The following AIFM2 variants were observed in gnomAD, a reference collection of about 807,000 sequenced individuals.
AIFM2 encodes the protein AIF family member 2, ferroptosis suppressor.
In AIFM2, 38 loss-of-function variants were observed where a neutral mutation model predicts 35.7. The ratio of observed to expected loss-of-function variants is 1.06; its 90% CI spans 0.82 to 1.39. AIFM2 has a LOEUF of 1.39. Ranked by LOEUF, AIFM2 falls within the 40% of genes most tolerant of loss-of-function variation. The probability of loss-of-function intolerance (pLI) is 0.00; values close to 1 mark genes in which losing one functional copy is unlikely to be tolerated. For synonymous variants in AIFM2, 185 were observed against 203.5 expected, an observed-to-expected ratio of 0.91 and a Z score of 0.77; for missense variants, 476 against 491.2, an observed-to-expected ratio of 0.97 and a Z score of 0.29.
At position 70,114,637 on chromosome 10, in the gene AIFM2, G is replaced by A. The variant is rs2072414691; in HGVS notation, c.970+283C>T. On this transcript the variant is annotated intron_variant, in intron 8 of 8. Transcript: ENST00000307864. ...TTACAGGCATGCACCACCACACCTG[G>A]CTAATTTTGTATTTTTAGTAGAGAC... 5 of 507,542 alleles carry A rather than the reference G, an allele frequency of 9.9e-6. No individual in the cohort carries two copies. The South Asian group carries it at 1.0e-4, about 11-fold the overall frequency. 31.4% of individuals were successfully genotyped at this position (507,542 alleles called of 1,614,324 possible).
intron 1 of AIFM2, among the ~76,000 whole-genome samples, chr10:70,127,291 C>T (rs1015153264): frequency 5.9e-5 from 9 of 152,216 alleles, no homozygotes; most frequent in Admixed American, 4.6e-4. Flanking sequence ...AGAGGGGCTA[C>T]GCAGCTGGCC....
intron 5 of AIFM2, among the ~76,000 whole-genome samples, chr10:70,119,479 C>T (rs548379753): frequency 5.9e-5 from 9 of 152,286 alleles, no homozygotes; most frequent in African/African-American, 1.2e-4. Flanking sequence ...AACCGTAGGA[C>T]ACCCAGCTGG....
At chr10:70,116,797 G>T (rs528559640) in intron 6 of AIFM2, 23 bp from the exon 7 acceptor site, 2 of 1,612,298 alleles carry the variant, frequency 1.2e-6, no homozygotes, top group African/African-American at 1.3e-5. Flanking sequence ...TCATGACCAG[G>T]AGGCTGGTGG....
chr10:70,129,621 C>G (rs1169225192), intron 1 of AIFM2, among the ~76,000 whole-genome samples: 3 of 152,140 alleles, frequency 2.0e-5, no homozygotes, highest in Admixed American at 2.0e-4. Flanking sequence ...CTCAACACAT[C>G]AAACCTGCTG....
intron 2 of AIFM2, 99 bp from the exon 3 acceptor site, chr10:70,123,619 G>C (rs969806471): frequency 4.4e-6 from 5 of 1,141,254 alleles, no homozygotes; most frequent in Non-Finnish European, 6.5e-6. Context: ...ACCAACAGGG[G>C]TGCCCTTGAC....
chr10:70,117,868 G>T lies in AIFM2; in HGVS notation c.560C>A (p.Ser187Tyr). ...VALADKELLP[S>Y]VRQEVKEILL... The stretch of plus-strand genomic sequence containing the variant: ...GATCTCCTTCACTTCCTGCCGGACG[G>T]AGGGCAGGAGCTCCTTGTCAGCCAG... Residue 187 changes from serine to tyrosine, a missense_variant, in exon 6 of 9, where the codon TCC (serine) becomes TAC (tyrosine). Coordinates refer to ENST00000307864, the MANE Select transcript of AIFM2 (RefSeq NM_032797.6). This position sits in a 1 kb window ranked among gnomAD's most constrained non-coding sequence, Gnocchi z 4.7. 1 of 1,605,550 alleles carries T rather than the reference G, an allele frequency of 6.2e-7. No homozygotes were observed. Among genetic ancestry groups the T allele is most frequent in the Non-Finnish European group, 8.5e-7 (1 of 1,176,936 alleles).
In AIFM2 at chr10:70,112,592, T is replaced by C. The variant is rs980648578; in HGVS notation, c.*1586A>G. ...GGCCTGGGCGACAGCCCCAACGGGA[T>C]GGCCTGAGAACCCCAGAGAGGCTGG... On this transcript the variant is annotated 3_prime_UTR_variant, in exon 9 of 9. Transcript: ENST00000307864. The C allele has an allele frequency of 2.0e-5, 3 of 150,300 alleles. No homozygotes were observed. Among genetic ancestry groups the C allele is most frequent in the African/African-American group, 7.3e-5 (3 of 41,134 alleles). 9.3% of individuals were successfully genotyped at this position (150,300 alleles called of 1,614,324 possible). A position where few individuals can be genotyped will look rare whatever the true frequency, so the allele number is the denominator to read the frequency against.
In AIFM2 at chr10:70,117,828, G is replaced by A. The variant is rs749842470; in HGVS notation, c.600C>T (p.Gly200=). The A allele has an allele frequency of 1.6e-5, 25 of 1,604,868 alleles. No homozygotes were observed. The Admixed American group carries it at 1.7e-4, about 11-fold the overall frequency. The part of the protein sequence containing the change: ...QEVKEILLRK[G]VQLLLSERVS... ...TGCACGTACTCAGCAGCAGCTGCAC[G>A]CCCTTCCGGAGGAGGATCTCCTTCA... The change falls in exon 6 of 9, where the codon GGC becomes GGT. Residue 200 remains glycine, a synonymous_variant. Transcript: ENST00000307864. The surrounding 1 kb of genome is among the most constrained non-coding windows in gnomAD (Gnocchi z 4.7).
At chr10:70,118,861 TG>T (rs2072466825) in intron 5 of AIFM2, among the ~76,000 whole-genome samples, 1 of 152,184 alleles carries the variant, frequency 6.6e-6, no homozygotes, top group South Asian at 2.1e-4. Context: ...CCTAACTCCT[TG>T]GATGTTCCCG....
rs2072451310 is a variant in AIFM2 at position 70,117,546 on chromosome 10, C to T, written c.616+266G>A. ...CCCACCATCTGCACTGCATCCAAAG[C>T]AATAACCAGGACATGGAAATCCCGT... is the stretch of plus-strand genomic sequence containing the variant. On this transcript the variant is annotated intron_variant, in intron 6 of 8. Transcript: ENST00000307864. The surrounding 1 kb of genome is among the most constrained non-coding windows in gnomAD (Gnocchi z 4.7). 6.6e-6 allele frequency among the ~76,000 whole-genome samples: 1 copy of T among 152,218 alleles called. No individual in the cohort carries two copies. The highest frequency in any genetic ancestry group is 2.4e-5 in the African/African-American group (1 of 41,458).
intron 3 of AIFM2, among the ~76,000 whole-genome samples, chr10:70,122,030 T>G (rs2072514723): frequency 6.6e-6 from 1 of 152,084 alleles, no homozygotes; most frequent in African/African-American, 2.4e-5. Context: ...AGGCAGAGGT[T>G]GTGGTGACCC....
chr10:70,118,244 A>C, intron 5 of AIFM2: 1 of 244,526 alleles, frequency 4.1e-6, no homozygotes, highest in Non-Finnish European at 7.8e-6. Flanking sequence ...TAATTATACA[A>C]GCCATGGGCA....
rs200495967 is a variant in AIFM2 at position 70,117,843 on chromosome 10, G to T, written c.585C>A (p.Ile195=). The change falls in exon 6 of 9, where the codon ATC becomes ATA. Residue 195 remains isoleucine (I), a synonymous_variant. Transcript: ENST00000307864. This position sits in a 1 kb window ranked among gnomAD's most constrained non-coding sequence, Gnocchi z 4.7. ...GCAGCTGCACGCCCTTCCGGAGGAG[G>T]ATCTCCTTCACTTCCTGCCGGACGG... The part of the protein sequence containing the change: ...LPSVRQEVKE[I]LLRKGVQLLL... The T allele has an allele frequency of 3.5e-5, 56 of 1,604,526 alleles. No homozygotes were observed. In the East Asian group the frequency reaches 1.1e-3, roughly 31 times the overall value.
At position 70,131,242 on chromosome 10, in the gene AIFM2, G is replaced by A. The variant is rs964094114; in HGVS notation, c.-14+1492C>T. Among the ~76,000 whole-genome samples the A allele has an allele frequency of 2.6e-5, 4 of 152,156 alleles. No individual in the cohort carries two copies. Among genetic ancestry groups the A allele is most frequent in the African/African-American group, 9.7e-5 (4 of 41,410 alleles). ...TCGTCATGGCTCACACAAAGGGTAG[G>A]TTTCAACATCAGCCTCTGGAGAGCC... On this transcript the variant is annotated intron_variant, in intron 1 of 8. Transcript: ENST00000307864. The surrounding 1 kb of genome is among the most constrained non-coding windows in gnomAD (Gnocchi z 4.1).
chr10:70,123,822 A>T, intron 2 of AIFM2, 85 bp downstream of exon 2: 2 of 1,391,782 alleles, frequency 1.4e-6, no homozygotes, highest in Non-Finnish European at 1.9e-6. Context: ...CTAAATGGAG[A>T]AAACCACCCC....
intron 1 of AIFM2, 91 bp from the exon 2 acceptor site, chr10:70,124,188 G>A (rs977176100): frequency 1.0e-6 from 1 of 963,318 alleles, no homozygotes; most frequent in African/African-American, 1.7e-5. Flanking sequence ...ATCATGAATT[G>A]ACCTTTTTAG....
intron 1 of AIFM2, among the ~76,000 whole-genome samples, chr10:70,129,767 G>A (rs575615131): frequency 7.9e-5 from 12 of 152,038 alleles, no homozygotes; most frequent in South Asian, 2.1e-4. Flanking sequence ...AGGACAGACC[G>A]CTTACCATCT....
In AIFM2 at chr10:70,116,639, G is replaced by C. The variant is rs1457121177; in HGVS notation, c.752C>G (p.Ala251Gly). The part of the protein sequence containing the change: ...LCTGIKINSS[A>G]YRKAFESRLA... ...CTGCTCACCAAACGCTTTGCGGTAG[G>C]CGGAGCTGTTGATCTTGATGCCGGT... Residue 251 changes from alanine to glycine, a missense_variant, in exon 7 of 9, where the codon GCC becomes GGC. Transcript: ENST00000307864. 1 of 1,613,882 alleles carries C rather than the reference G, an allele frequency of 6.2e-7. No individual in the cohort carries two copies. Among genetic ancestry groups the C allele is most frequent in the African/African-American group, 1.3e-5 (1 of 75,054 alleles).
chr10:70,123,826 C>A (rs920289800), intron 2 of AIFM2, 81 bp downstream of exon 2: 1 of 1,405,218 alleles, frequency 7.1e-7, no homozygotes, highest in African/African-American at 1.5e-5. Context: ...ATGGAGAAAA[C>A]CACCCCCAGC....
Sources: allele counts gnomAD v4.1 joint callset (sites outside exome capture counted in the v4.1 genomes callset), GRCh38; gene constraint gnomAD v4.1.1; non-coding constraint Gnocchi (gnomAD v3.1); transcripts MANE v1.5; gene names NCBI Gene and HGNC (gene_info 2026-07-23, HGNC 2026-07-21).